Variants in QTMAN observed in about 807,000 individuals in gnomAD.
QTMAN encodes the protein queuosine-tRNA mannosyltransferase.
At chr2:144,136,581 T>C in the QTMAN span, among the ~76,000 whole-genome samples, 18 of 152,188 alleles carry the variant, frequency 1.2e-4, no homozygotes, top group South Asian at 3.7e-3. Flanking sequence ...ATTTAAAATT[T>C]CCCTACTTCT....
the QTMAN span, among the ~76,000 whole-genome samples, chr2:143,988,327 A>G: frequency 6.6e-6 from 1 of 152,236 alleles, no homozygotes; most frequent in African/African-American, 2.4e-5. Flanking sequence ...GGAACTTACA[A>G]GAAGACACCA....
At chr2:143,942,635 T>A in the QTMAN span, 1 of 167,156 alleles carries the variant, frequency 6.0e-6, no homozygotes. Flanking sequence ...TTCCATCTTG[T>A]GTTTGCAATG....
At chr2:144,269,380 G>A in the QTMAN span, among the ~76,000 whole-genome samples, 2 of 152,152 alleles carry the variant, frequency 1.3e-5, no homozygotes, top group Admixed American at 1.3e-4. Context: ...AAGAGATTCT[G>A]CTTGTACCTC....
chr2:144,259,694 T>C, the QTMAN span, among the ~76,000 whole-genome samples: 1 of 152,208 alleles, frequency 6.6e-6, no homozygotes, highest in Admixed American at 6.5e-5. Flanking sequence ...TGTTATTTTA[T>C]AATTAAGCTG....
chr2:144,175,175 A>T, the QTMAN span, among the ~76,000 whole-genome samples: 12 of 152,162 alleles, frequency 7.9e-5, no homozygotes, highest in African/African-American at 2.7e-4. Context: ...AAATATATGA[A>T]AGATAATGTT....
chr2:143,977,149 G>A, the QTMAN span, among the ~76,000 whole-genome samples: 1 of 152,068 alleles, frequency 6.6e-6, no homozygotes, highest in Admixed American at 6.6e-5. Context: ...TTTATTCCAA[G>A]TCTACTCCCG....
At chr2:144,139,412 G>A in the QTMAN span, among the ~76,000 whole-genome samples, 8 of 151,790 alleles carry the variant, frequency 5.3e-5, no homozygotes, top group South Asian at 2.1e-4. Context: ...CTAGGTACAT[G>A]GTATACATTA....
chr2:144,298,399 CAA>C, the QTMAN span, among the ~76,000 whole-genome samples: 1 of 152,060 alleles, frequency 6.6e-6, no homozygotes, highest in African/African-American at 2.4e-5. Flanking sequence ...TCCCACTGCC[CAA>C]AAGAGTATAA....
the QTMAN span, among the ~76,000 whole-genome samples, chr2:143,994,156 A>G: frequency 5.3e-5 from 8 of 152,184 alleles, no homozygotes; most frequent in Admixed American, 3.9e-4. Context: ...GATAACAAGG[A>G]GATTTTACAC....
At chr2:144,295,844 C>G in the QTMAN span, among the ~76,000 whole-genome samples, 10 of 152,164 alleles carry the variant, frequency 6.6e-5, no homozygotes, top group African/African-American at 2.4e-4. Context: ...AAACAATCCT[C>G]CCACCTCAGC....
At chr2:144,010,321 G>A in the QTMAN span, among the ~76,000 whole-genome samples, 2 of 152,080 alleles carry the variant, frequency 1.3e-5, no homozygotes, top group African/African-American at 4.8e-5. Context: ...TGTTCTCAAG[G>A]ATGAATAGAA....
chr2:143,976,678 G>A, the QTMAN span, among the ~76,000 whole-genome samples: 6 of 152,296 alleles, frequency 3.9e-5, no homozygotes, highest in East Asian at 1.2e-3. Flanking sequence ...AATTCAGACA[G>A]TAGTCTCATT....
chr2:144,012,725 G>C, the QTMAN span, among the ~76,000 whole-genome samples: 1 of 152,302 alleles, frequency 6.6e-6, no homozygotes, highest in Non-Finnish European at 1.5e-5. Flanking sequence ...CCATATGACA[G>C]AGATTATTAG....
the QTMAN span, among the ~76,000 whole-genome samples, chr2:144,179,936 T>C: frequency 9.2e-5 from 14 of 152,156 alleles, no homozygotes; most frequent in African/African-American, 2.9e-4. Context: ...ATATGGAATT[T>C]TGTAGTTTGT....
At chr2:144,014,482 T>C in the QTMAN span, among the ~76,000 whole-genome samples, 7 of 152,158 alleles carry the variant, frequency 4.6e-5, no homozygotes, top group Non-Finnish European at 8.8e-5. Flanking sequence ...GAATCTGCGA[T>C]AAGATAGGAA....
chr2:144,037,756 T>C, the QTMAN span, among the ~76,000 whole-genome samples: 2 of 152,132 alleles, frequency 1.3e-5, no homozygotes, highest in Non-Finnish European at 2.9e-5. Context: ...TAGATACATA[T>C]AAATATGCAG....
the QTMAN span, among the ~76,000 whole-genome samples, chr2:144,101,059 G>A: frequency 1.8e-3 from 275 of 151,662 alleles, no homozygotes; most frequent in African/African-American, 6.3e-3. Context: ...TAGTACAGAT[G>A]GGGTTTCACC....
the QTMAN span, among the ~76,000 whole-genome samples, chr2:144,035,567 A>G: frequency 6.6e-6 from 1 of 152,214 alleles, no homozygotes; most frequent in Non-Finnish European, 1.5e-5. Flanking sequence ...AAAAGTAACT[A>G]TCATCACAGA....
the QTMAN span, among the ~76,000 whole-genome samples, chr2:144,304,824 A>G: frequency 2.6e-5 from 4 of 152,368 alleles, no homozygotes; most frequent in South Asian, 8.3e-4. Flanking sequence ...TTAAAATACA[A>G]AGACGCAGAT....
Sources: allele counts gnomAD v4.1 joint callset (sites outside exome capture counted in the v4.1 genomes callset), GRCh38; gene constraint gnomAD v4.1.1; transcripts MANE v1.5; gene names NCBI Gene and HGNC (gene_info 2026-07-23, HGNC 2026-07-21).